JARID2: variants seen among roughly 807,000 people sequenced by gnomAD.
The protein encoded by JARID2 is jumonji and AT-rich interaction domain containing 2, also known as protein Jumonji.
Under a neutral mutation model 125.6 loss-of-function variants are expected in JARID2, and 21 were observed. That is an observed-to-expected ratio of 0.17 (90% CI 0.12 to 0.24). JARID2 has a LOEUF of 0.24. JARID2 is among the 10% of genes least tolerant of loss of function. The pLI is 1.00. For missense variants in JARID2, 1,303 were observed against 1,639.6 expected (o/e 0.79, Z 3.55); for synonymous variants, 736 against 661.6 (o/e 1.11, Z -1.73).
intron 1 of JARID2, among the ~76,000 whole-genome samples, chr6:15,305,348 G>T (rs894513405): frequency 2.0e-5 from 3 of 152,182 alleles, no homozygotes; most frequent in African/African-American, 7.2e-5. Context: ...AAAGGGTGCA[G>T]GGAGGGTGCT....
At chr6:15,494,878 G>A (rs1770334496) in intron 6 of JARID2, among the ~76,000 whole-genome samples, 1 of 152,194 alleles carries the variant, frequency 6.6e-6, no homozygotes, top group African/African-American at 2.4e-5. Flanking sequence ...CACTGCATGT[G>A]GCCAGCTCTC....
chr6:15,356,741 G>A (rs1481095308), intron 1 of JARID2, among the ~76,000 whole-genome samples: 3 of 152,122 alleles, frequency 2.0e-5, no homozygotes, highest in South Asian at 2.1e-4. Flanking sequence ...TGGGCTGGGC[G>A]CAGTGGCTTA....
intron 2 of JARID2, among the ~76,000 whole-genome samples, chr6:15,376,302 TG>T (rs1295058627): frequency 1.3e-5 from 2 of 152,218 alleles, no homozygotes; most frequent in Non-Finnish European, 2.9e-5. Context: ...TTTTCTAGTT[TG>T]TGTTGGTTTT....
intron 2 of JARID2, 71 bp downstream of exon 2, chr6:15,374,323 A>G (rs1764272217): frequency 1.4e-5 from 21 of 1,524,918 alleles, no homozygotes; most frequent in Non-Finnish European, 1.8e-5. Flanking sequence ...CCTGAATTGG[A>G]TGTATTCTGG....
Position 15,507,370 on chromosome 6 carries a change from C to A in JARID2, c.2685C>A (p.Leu895=). Residue 895 remains leucine, a synonymous_variant, in exon 11 of 18, where the codon CTC becomes CTA. Coordinates refer to ENST00000341776, the MANE Select transcript of JARID2 (RefSeq NM_004973.4). The part of the protein sequence containing the change: ...FSRHGWNLTV[L]PNNTGSILRH... ...GGCATGGATGGAACCTCACCGTCCTCCCCAATAACACAGGGTCCATCCTGC... is the reference window on the plus strand; with the variant it reads ...GGCATGGATGGAACCTCACCGTCCTACCCAATAACACAGGGTCCATCCTGC... The A allele has an allele frequency of 6.2e-7, 1 of 1,614,084 alleles. No homozygotes were observed. The highest frequency in any genetic ancestry group is 8.5e-7 in the Non-Finnish European group (1 of 1,179,960).
In JARID2 at chr6:15,300,363, G is replaced by A. The variant is rs1761562141; in HGVS notation, c.45+53779G>A. On this transcript the variant is annotated intron_variant, in intron 1 of 17. Coordinates refer to ENST00000341776, the MANE Select transcript of JARID2 (RefSeq NM_004973.4). ...AGGAGGGAAGCGGAGAAGGGCATGG[G>A]AGTAGAAGGGATCATTCCCCTGCAA... Among the ~76,000 whole-genome samples the A allele has an allele frequency of 2.0e-5, 3 of 152,190 alleles. No homozygotes were observed. The South Asian group carries it at 6.2e-4, about 31-fold the overall frequency.
chr6:15,280,344 T>G (rs546450556), intron 1 of JARID2, among the ~76,000 whole-genome samples: 1 of 152,178 alleles, frequency 6.6e-6, no homozygotes, highest in African/African-American at 2.4e-5. Flanking sequence ...TCTCGGTTTT[T>G]TCCCTTCCAA....
intron 1 of JARID2, among the ~76,000 whole-genome samples, chr6:15,307,939 T>G (rs951288733): frequency 6.6e-6 from 1 of 152,198 alleles, no homozygotes; most frequent in Non-Finnish European, 1.5e-5. Flanking sequence ...CAGGAGCCAG[T>G]CAGGTGTCAA....
Position 15,497,112 on chromosome 6 carries a change from C to G in JARID2, c.1887C>G (p.Ala629=). 1 of 1,569,262 alleles carries G rather than the reference C, an allele frequency of 6.4e-7. No individual in the cohort carries two copies. Among genetic ancestry groups the G allele is most frequent in the Non-Finnish European group, 8.6e-7 (1 of 1,157,520 alleles). Residue 629 remains alanine, a synonymous_variant, in exon 7 of 18, where the codon GCC becomes GCG. Coordinates refer to ENST00000341776, the MANE Select transcript of JARID2 (RefSeq NM_004973.4). The part of the protein sequence containing the change: ...RRWGPNVQRL[A]CIKKHLKSQG... ...GGGGCCCCAACGTGCAGCGGCTGGC[C>G]TGCATCAAGAAGCACCTCAAATCTC...
intron 12 of JARID2, among the ~76,000 whole-genome samples, chr6:15,508,778 T>C (rs530404094): frequency 6.6e-6 from 1 of 152,380 alleles, no homozygotes; most frequent in African/African-American, 2.4e-5. Context: ...TTGTTTTGTT[T>C]TGTTTCGTTT....
At chr6:15,403,525 C>T (rs978833904) in intron 2 of JARID2, among the ~76,000 whole-genome samples, 13 of 152,188 alleles carry the variant, frequency 8.5e-5, no homozygotes, top group South Asian at 6.2e-4. Flanking sequence ...GCGTTTATTG[C>T]CTTCTGGGGC....
At chr6:15,328,659 G>A (rs541856419) in intron 1 of JARID2, among the ~76,000 whole-genome samples, 6 of 152,262 alleles carry the variant, frequency 3.9e-5, no homozygotes, top group South Asian at 4.1e-4. Flanking sequence ...CCACAGCCTC[G>A]TTTACTCCAG....
chr6:15,495,904 G>A (rs1035984793), intron 6 of JARID2, among the ~76,000 whole-genome samples: 1 of 152,190 alleles, frequency 6.6e-6, no homozygotes, highest in African/African-American at 2.4e-5. Flanking sequence ...CTTCTGTGAC[G>A]AAGGATAGGT....
chr6:15,370,305 C>CTAATGATA (rs1764116651), intron 1 of JARID2, among the ~76,000 whole-genome samples: 1 of 147,076 alleles, frequency 6.8e-6, no homozygotes, highest in Non-Finnish European at 1.5e-5. Flanking sequence ...TGCTTGACCT[C>CTAATGATA]TAATGATAGA....
intron 3 of JARID2, among the ~76,000 whole-genome samples, chr6:15,424,707 A>G (rs1766647500): frequency 6.6e-6 from 1 of 152,102 alleles, no homozygotes; most frequent in Non-Finnish European, 1.5e-5. Flanking sequence ...AAAAAATACA[A>G]AATTAGCTTG....
chr6:15,352,493 G>T (rs927638598), intron 1 of JARID2, among the ~76,000 whole-genome samples: 1 of 152,188 alleles, frequency 6.6e-6, no homozygotes, highest in African/African-American at 2.4e-5. Flanking sequence ...AATAGTGAAG[G>T]GAAGGCTCCA....
chr6:15,295,807 G>A (rs941764094), intron 1 of JARID2, among the ~76,000 whole-genome samples: 2 of 152,142 alleles, frequency 1.3e-5, no homozygotes, highest in Non-Finnish European at 2.9e-5. Flanking sequence ...GGGACTACAG[G>A]TGTGCGCCAC....
rs564561232 is a variant in JARID2, at chr6:15,370,495, G to A, written c.46-3622G>A. ...TGGTACTACAGGCGCCCGCCACCACGCCCGGCTAATATTTTGTATTTTCTT... is the reference window on the plus strand; with the variant it reads ...TGGTACTACAGGCGCCCGCCACCACACCCGGCTAATATTTTGTATTTTCTT... On this transcript the variant is annotated intron_variant, in intron 1 of 17. Transcript: ENST00000341776. Among the ~76,000 whole-genome samples the A allele has an allele frequency of 3.9e-3, 599 of 151,998 alleles. 5 individuals carry two copies. The highest frequency in any genetic ancestry group is 0.024 in the Middle Eastern group (7 of 294).
chr6:15,328,219 C>T lies in JARID2; in HGVS notation c.46-45898C>T, dbSNP rs528125853. Reference sequence around the variant, plus strand: ...GTCCGAAGAAGCAAAGATCACCCCCCACAAAGTCACCTGTATGGAATTCAG... The same window carrying T: ...GTCCGAAGAAGCAAAGATCACCCCCTACAAAGTCACCTGTATGGAATTCAG... On this transcript the variant is annotated intron_variant, in intron 1 of 17. Transcript: ENST00000341776. Among the ~76,000 whole-genome samples, 6 of 152,232 alleles carry T rather than the reference C, an allele frequency of 3.9e-5. No individual in the cohort carries two copies. In the East Asian group the frequency reaches 5.8e-4, roughly 15 times the overall value.
Sources: gnomAD v4.1 joint callset for allele counts (sites outside exome capture counted in the v4.1 genomes callset) on GRCh38, gnomAD v4.1.1 for gene constraint, MANE v1.5 for transcripts, NCBI Gene and HGNC (gene_info 2026-07-23, HGNC 2026-07-21) for gene names.